SNAP29: variants seen among roughly 807,000 people sequenced by gnomAD.
SNAP29 encodes the protein synaptosomal-associated protein 29.
A neutral mutation model predicts 27.9 loss-of-function variants in SNAP29; 13 were observed. The ratio of observed to expected loss-of-function variants is 0.47; its 90% CI spans 0.30 to 0.74. The LOEUF (loss-of-function observed/expected upper bound fraction) is 0.74, where lower values mean the gene tolerates loss of function less well. Ranked by LOEUF, SNAP29 falls within the 30% of genes least tolerant of loss-of-function variation. The pLI is 0.06. For synonymous variants in SNAP29, 119 were observed against 127.1 expected, an observed-to-expected ratio of 0.94 and a Z score of 0.43; for missense variants, 368 against 336.5, an observed-to-expected ratio of 1.09 and a Z score of -0.73.
chr22:20,884,221 T>A lies in SNAP29; in HGVS notation c.619+652T>A, dbSNP rs536678786. On this transcript the variant is annotated intron_variant, in intron 4 of 4. Coordinates refer to ENST00000215730, the MANE Select transcript of SNAP29 (RefSeq NM_004782.4). ...GGTGGCAGGCGCCTGTAATCCCAGC[T>A]ATCGGGTGGCTGAGGCAGGAGAATC... Among the ~76,000 whole-genome samples the A allele has an allele frequency of 1.7e-3, 257 of 151,698 alleles. 2 individuals are homozygous for A. The highest frequency in any genetic ancestry group is 6.0e-3 in the African/African-American group (248 of 41,368).
At chr22:20,860,526 C>G (rs1424688292) in intron 1 of SNAP29, among the ~76,000 whole-genome samples, 2 of 151,604 alleles carry the variant, frequency 1.3e-5, no homozygotes, top group African/African-American at 4.8e-5. Context: ...CGCCGCCACA[C>G]CCGGCTAATT....
At chr22:20,879,049 T>C (rs945367606) in intron 2 of SNAP29, among the ~76,000 whole-genome samples, 1 of 152,200 alleles carries the variant, frequency 6.6e-6, no homozygotes, top group Non-Finnish European at 1.5e-5. Context: ...GGCTCACGCC[T>C]GTAATCCCAG....
At chr22:20,861,977 G>A (rs1010154309) in intron 1 of SNAP29, among the ~76,000 whole-genome samples, 8 of 152,104 alleles carry the variant, frequency 5.3e-5, no homozygotes, top group African/African-American at 1.7e-4. Flanking sequence ...GCCATGTTGG[G>A]CAGGCTGGTC....
chr22:20,866,281 G>A (rs1019951159), intron 1 of SNAP29, among the ~76,000 whole-genome samples: 2 of 152,192 alleles, frequency 1.3e-5, no homozygotes, highest in African/African-American at 4.8e-5. Flanking sequence ...CCATACTCCA[G>A]CTGCCACAGT....
At chr22:20,885,520 G>A (rs747266747) in intron 4 of SNAP29, among the ~76,000 whole-genome samples, 2 of 152,204 alleles carry the variant, frequency 1.3e-5, no homozygotes, top group East Asian at 1.9e-4. Flanking sequence ...CCAGAGAGGC[G>A]TGAAAGCCCT....
intron 2 of SNAP29, among the ~76,000 whole-genome samples, chr22:20,871,935 G>A (rs1362132297): frequency 1.3e-5 from 2 of 152,020 alleles, no homozygotes; most frequent in Non-Finnish European, 2.9e-5. Context: ...CATGTTCAAG[G>A]ATAAAGGAAT....
chr22:20,870,897 G>A (rs1460757755), intron 2 of SNAP29: 4 of 341,466 alleles, frequency 1.2e-5, no homozygotes, highest in African/African-American at 8.6e-5. Flanking sequence ...GACACTTCAG[G>A]ATGCCAAGGT....
chr22:20,871,367 T>C (rs1035399254), intron 2 of SNAP29, among the ~76,000 whole-genome samples: 2 of 150,056 alleles, frequency 1.3e-5, no homozygotes, highest in Non-Finnish European at 3.0e-5. Flanking sequence ...CCTATATTCC[T>C]AGCTACAGGG....
rs1457765776 is a variant in SNAP29 at position 20,887,659 on chromosome 22, G to A, written c.620-20G>A. The A allele has an allele frequency of 1.2e-6, 2 of 1,614,044 alleles. No homozygotes were observed. The highest frequency in any genetic ancestry group is 1.3e-5 in the African/African-American group (1 of 74,932). Reference sequence around the variant, plus strand: ...CGTGACTGTTTGCTCATGCCTGCGTGTCATTTCCTCCTCCTGCAGATGAGC... The same window carrying A: ...CGTGACTGTTTGCTCATGCCTGCGTATCATTTCCTCCTCCTGCAGATGAGC... On this transcript the variant is annotated intron_variant, in intron 4 of 4. Transcript: ENST00000215730.
chr22:20,860,379 T>C (rs920387949), intron 1 of SNAP29, among the ~76,000 whole-genome samples: 3 of 150,114 alleles, frequency 2.0e-5, no homozygotes, highest in Non-Finnish European at 3.0e-5. Context: ...TTCTTTTTTT[T>C]TTTTTTTTGA....
At chr22:20,865,834 G>T (rs1166253904) in intron 1 of SNAP29, among the ~76,000 whole-genome samples, 1 of 152,218 alleles carries the variant, frequency 6.6e-6, no homozygotes, top group South Asian at 2.1e-4. Context: ...CAAGCAGTGC[G>T]TGACAACACA....
chr22:20,869,305 G>A (rs1928530743), intron 1 of SNAP29, among the ~76,000 whole-genome samples: 1 of 152,136 alleles, frequency 6.6e-6, no homozygotes. Flanking sequence ...TTGGAAGAAG[G>A]AATTCTCCTT....
chr22:20,879,910 T>G (rs1160040224), intron 2 of SNAP29, among the ~76,000 whole-genome samples: 1 of 149,820 alleles, frequency 6.7e-6, no homozygotes, highest in Non-Finnish European at 1.5e-5. Context: ...TGGTCTCAGT[T>G]ACCCAGGAGG....
intron 4 of SNAP29, among the ~76,000 whole-genome samples, chr22:20,885,629 T>C (rs1347111877): frequency 7.2e-5 from 11 of 152,152 alleles, no homozygotes; most frequent in Non-Finnish European, 1.5e-5. Context: ...GGATACTGCA[T>C]TCAGAGGCAG....
rs757405195 is a variant in SNAP29 at position 20,870,467 on chromosome 22, TCAAATC to T, written c.373_378del (p.Ser125_Lys126del). 1.6e-5 allele frequency: 26 copies of T among 1,613,948 alleles called. No individual in the cohort carries two copies. The highest frequency in any genetic ancestry group is 1.6e-4 in the Middle Eastern group (1 of 6,084). ...GTGTTTGGGGGGCTGGTCAATTACTTCAAATCCAAACCAGTAGAGACCCCACCTGAA... is the reference window on the plus strand; with the variant it reads ...GTGTTTGGGGGGCTGGTCAATTACTTCAAACCAGTAGAGACCCCACCTGAA... On this transcript the variant is annotated inframe_deletion, in exon 2 of 5. Transcript: ENST00000215730.
chr22:20,888,351 ACACACTCT>A lies in SNAP29; in HGVS notation c.*517_*524del, dbSNP rs767197022. ...CACACACACACACACACACACACAC[ACACACTCT>A]CTGAGCACATTATCTGTGATTCTTT... On this transcript the variant is annotated 3_prime_UTR_variant, in exon 5 of 5. Transcript: ENST00000215730. The A allele has an allele frequency of 7.9e-5, 7 of 88,960 alleles. No homozygotes were observed. The highest frequency in any genetic ancestry group is 2.1e-4 in the African/African-American group (4 of 18,754). The allele number at this position is 88,960 out of a possible 1,614,324, so 5.5% of individuals were successfully genotyped here. A position where few individuals can be genotyped will look rare whatever the true frequency, so the allele number is the denominator to read the frequency against.
chr22:20,861,434 G>T (rs1023840722), intron 1 of SNAP29, among the ~76,000 whole-genome samples: 3 of 151,748 alleles, frequency 2.0e-5, no homozygotes, highest in African/African-American at 7.3e-5. Flanking sequence ...TTAACTGTTG[G>T]TTTTTTATTT....
rs755306200 is a variant in SNAP29 at position 20,887,827 on chromosome 22, A to T, written c.768A>T (p.Arg256=). ...TAAAAAGCACAGAAAGAAAAGTTCGACAACTCTGAAGACAGACGGATTTCC... is the reference window on the plus strand; with the variant it reads ...TAAAAAGCACAGAAAGAAAAGTTCGTCAACTCTGAAGACAGACGGATTTCC... ...VNIKSTERKV[R]QL is the part of the protein sequence containing the mutation. The change falls in exon 5 of 5, where the codon CGA becomes CGT. Residue 256 remains arginine, a synonymous_variant. Coordinates refer to ENST00000215730, the MANE Select transcript of SNAP29 (RefSeq NM_004782.4). The T allele has an allele frequency of 6.2e-7, 1 of 1,614,152 alleles. No homozygotes were observed. Among genetic ancestry groups the T allele is most frequent in the Non-Finnish European group, 8.5e-7 (1 of 1,180,002 alleles).
intron 2 of SNAP29, among the ~76,000 whole-genome samples, chr22:20,871,482 T>TAAAAAAAAAAAAA (rs58294079): frequency 6.2e-5 from 4 of 64,150 alleles, no homozygotes; most frequent in Non-Finnish European, 9.0e-5. Flanking sequence ...TCCCTGTCTC[T>TAAAAAAAAAAAAA]AAAAAAAAAA....
Sources: gnomAD v4.1 joint callset for allele counts (sites outside exome capture counted in the v4.1 genomes callset) on GRCh38, gnomAD v4.1.1 for gene constraint, MANE v1.5 for transcripts, NCBI Gene and HGNC (gene_info 2026-07-23, HGNC 2026-07-21) for gene names.